KCNH5: variants seen among roughly 807,000 people sequenced by gnomAD.
KCNH5 encodes potassium voltage-gated channel subfamily H member 5, also known as voltage-gated delayed rectifier potassium channel KCNH5.
KCNH5 carries 46 observed loss-of-function variants against 96.1 expected under a neutral mutation model. The ratio of observed to expected loss-of-function variants is 0.48; its 90% confidence interval spans 0.38 to 0.61. The LOEUF (loss-of-function observed/expected upper bound fraction) is 0.61. Ranked by LOEUF, KCNH5 falls within the 20% of genes least tolerant of loss-of-function variation. The pLI, the probability that KCNH5 is intolerant of heterozygous loss-of-function variation, is 0.00. For missense variants in KCNH5, 907 were observed against 1,225.8 expected (o/e 0.74, Z 3.88); for synonymous variants, 439 against 449.8 (o/e 0.98, Z 0.30).
intron 3 of KCNH5, among the ~76,000 whole-genome samples, chr14:63,003,624 A>ATATATATATATAT (rs1491457497): frequency 9.7e-5 from 9 of 92,804 alleles, no homozygotes; most frequent in East Asian, 8.3e-4. Flanking sequence ...ATATATATAT[A>ATATATATATATAT]TTTTTTTTTT....
intron 7 of KCNH5, among the ~76,000 whole-genome samples, chr14:62,885,260 T>G (rs1411766637): frequency 1.3e-5 from 2 of 152,162 alleles, no homozygotes; most frequent in Non-Finnish European, 1.5e-5. Context: ...TTATTCCTCT[T>G]GGGGTGATGT....
chr14:62,876,903 A>T (rs1010869076), intron 7 of KCNH5, among the ~76,000 whole-genome samples: 3 of 152,244 alleles, frequency 2.0e-5, no homozygotes, highest in African/African-American at 7.2e-5. Flanking sequence ...CTTACTTCAC[A>T]TTATATGTAA....
chr14:62,831,580 T>C (rs1014297070), intron 8 of KCNH5, among the ~76,000 whole-genome samples: 5 of 152,248 alleles, frequency 3.3e-5, no homozygotes, highest in Non-Finnish European at 7.3e-5. Context: ...CATATATTTC[T>C]TACTGATTTT....
intron 10 of KCNH5, among the ~76,000 whole-genome samples, chr14:62,732,153 A>G (rs1885063684): frequency 6.6e-6 from 1 of 152,190 alleles, no homozygotes; most frequent in South Asian, 2.1e-4. Flanking sequence ...TACTATCAGC[A>G]GAAGGCATAT....
At chr14:63,014,575 A>G (rs1206373266) in intron 2 of KCNH5, among the ~76,000 whole-genome samples, 1 of 152,114 alleles carries the variant, frequency 6.6e-6, no homozygotes, top group East Asian at 1.9e-4. Flanking sequence ...CATGGGACAC[A>G]AGAAGGGATG....
At chr14:62,727,412 T>TAGTG (rs1239743364) in intron 10 of KCNH5, among the ~76,000 whole-genome samples, 3 of 151,996 alleles carry the variant, frequency 2.0e-5, no homozygotes, top group Admixed American at 1.3e-4. Flanking sequence ...TAGGAGTGTG[T>TAGTG]AGTGAATGCA....
chr14:62,809,763 G>C (rs1222329365), intron 8 of KCNH5, among the ~76,000 whole-genome samples: 1 of 152,094 alleles, frequency 6.6e-6, no homozygotes, highest in African/African-American at 2.4e-5. Context: ...AAACTGGAGA[G>C]AGAAATATTA....
chr14:62,943,112 AG>A (rs1889820115), intron 7 of KCNH5, among the ~76,000 whole-genome samples: 1 of 152,194 alleles, frequency 6.6e-6, no homozygotes, highest in Admixed American at 6.5e-5. Context: ...TATGGCAAAG[AG>A]TTATTCAAAA....
In KCNH5 at chr14:62,797,719, AT is replaced by A. The variant is rs71451279; in HGVS notation, c.1822+4609del. Among the ~76,000 whole-genome samples the A allele has an allele frequency of 2.7e-3, 397 of 145,696 alleles. 1 individual carries two copies. The highest frequency in any genetic ancestry group is 6.2e-3 in the East Asian group (31 of 5,034). On this transcript the variant is annotated intron_variant, in intron 9 of 10. Transcript: ENST00000322893. Reference sequence around the variant, plus strand: ...TTCTTTGATAATGCACACGTTTATAATTTTTTTTTTTTTTGAGACAAAGTCT... The same window carrying A: ...TTCTTTGATAATGCACACGTTTATAATTTTTTTTTTTTTGAGACAAAGTCT...
intron 10 of KCNH5, among the ~76,000 whole-genome samples, chr14:62,721,675 T>G (rs948915367): frequency 1.8e-4 from 28 of 152,116 alleles, no homozygotes; most frequent in African/African-American, 6.5e-4. Flanking sequence ...TCCTACCTAG[T>G]CTAATTTCAT....
At chr14:62,894,657 T>C (rs1351445610) in intron 7 of KCNH5, among the ~76,000 whole-genome samples, 1 of 152,242 alleles carries the variant, frequency 6.6e-6, no homozygotes, top group East Asian at 1.9e-4. Context: ...CAACCAATTC[T>C]ATATAGCTTT....
intron 8 of KCNH5, among the ~76,000 whole-genome samples, chr14:62,840,390 A>G (rs1887551688): frequency 6.6e-6 from 1 of 152,050 alleles, no homozygotes; most frequent in Admixed American, 6.6e-5. Context: ...GCTGAGAGGA[A>G]GCCAACAGGT....
intron 10 of KCNH5, among the ~76,000 whole-genome samples, chr14:62,732,455 G>C (rs1417528582): frequency 2.0e-5 from 3 of 150,938 alleles, no homozygotes; most frequent in African/African-American, 7.3e-5. Context: ...ACTTACCTCG[G>C]CTTTTAGCTC....
intron 1 of KCNH5, among the ~76,000 whole-genome samples, chr14:63,018,737 T>A (rs10139542): frequency 0.3 from 45,155 of 151,868 alleles, 8,158 homozygotes; most frequent in East Asian, 0.58. Flanking sequence ...GCCTGATTTT[T>A]AAAAAAATGT....
chr14:62,820,167 G>A (rs1023549683), intron 8 of KCNH5, among the ~76,000 whole-genome samples: 52 of 152,014 alleles, frequency 3.4e-4, no homozygotes, highest in African/African-American at 1.2e-3. Flanking sequence ...CTCTGAGGGG[G>A]GTATATAAAA....
intron 7 of KCNH5, among the ~76,000 whole-genome samples, chr14:62,939,952 T>G (rs755305333): frequency 6.6e-6 from 1 of 151,820 alleles, no homozygotes; most frequent in African/African-American, 2.4e-5. Context: ...AAAAAAAAAT[T>G]TTTTCAGGAA....
At chr14:62,932,171 A>T (rs1889592805) in intron 7 of KCNH5, among the ~76,000 whole-genome samples, 1 of 152,204 alleles carries the variant, frequency 6.6e-6, no homozygotes, top group Non-Finnish European at 1.5e-5. Context: ...AGCCTCCACC[A>T]TGAGAAGCAG....
intron 7 of KCNH5, among the ~76,000 whole-genome samples, chr14:62,947,208 T>C (rs1189256333): frequency 6.6e-6 from 1 of 152,200 alleles, no homozygotes; most frequent in Non-Finnish European, 1.5e-5. Flanking sequence ...TTTTTTAATC[T>C]AACTATGCTC....
intron 3 of KCNH5, among the ~76,000 whole-genome samples, chr14:63,003,836 G>C (rs1240608873): frequency 6.6e-6 from 1 of 150,970 alleles, no homozygotes; most frequent in East Asian, 1.9e-4. Flanking sequence ...TAACCAGGAT[G>C]GTCTCGATTT....
Sources: allele counts gnomAD v4.1 joint callset (sites outside exome capture counted in the v4.1 genomes callset), GRCh38; gene constraint gnomAD v4.1.1; transcripts MANE v1.5; gene names NCBI Gene and HGNC (gene_info 2026-07-23, HGNC 2026-07-21).